PDCD5: variants seen among roughly 807,000 people sequenced by gnomAD.
PDCD5 encodes programmed cell death 5.
PDCD5 carries 23 observed loss-of-function variants against 21.9 expected under a neutral mutation model. The observed-to-expected ratio is 1.05, with a 90% CI of 0.76 to 1.49. The LOEUF (loss-of-function observed/expected upper bound fraction) is 1.49, where lower values mean the gene tolerates loss of function less well. PDCD5 is among the 40% of genes most tolerant of loss of function. PDCD5 has a pLI of 0.00. For missense variants in PDCD5, 152 were observed against 147.7 expected (o/e 1.03, Z -0.15); for synonymous variants, 45 against 49.4 (o/e 0.91, Z 0.37).
rs759995661 is a variant in PDCD5 at position 32,581,268 on chromosome 19, G to A, written c.7G>A (p.Asp3Asn). 10 of 1,521,202 alleles carry A rather than the reference G, an allele frequency of 6.6e-6. No individual in the cohort carries two copies. The highest frequency in any genetic ancestry group is 2.7e-5 in the East Asian group (1 of 37,638). The allele number at this position is 1,521,202 out of a possible 1,614,324, so 94.2% of individuals were successfully genotyped here. ...CCAGCGCTGACGCCGAGCCATGGCG[G>A]ACGAGGAGCTTGAGGCGCTGAGGAG... is the stretch of plus-strand genomic sequence containing the variant. MADEELEALRRQR... is the reference protein window; with the variant it reads MANEELEALRRQR... The change falls in exon 1 of 6, where the codon GAC becomes AAC. Residue 3 changes from aspartate (D) to asparagine (N), a missense_variant. Coordinates refer to ENST00000590247, the MANE Select transcript of PDCD5 (RefSeq NM_004708.4).
At chr19:32,583,605 T>TA (rs1310914312) in intron 2 of PDCD5, among the ~76,000 whole-genome samples, 1 of 152,024 alleles carries the variant, frequency 6.6e-6, no homozygotes, top group Non-Finnish European at 1.5e-5. Context: ...TTTTCATTTT[T>TA]AGAGATACGT....
chr19:32,586,342 G>A (rs1010419818), intron 4 of PDCD5: 16 of 1,275,618 alleles, frequency 1.3e-5, no homozygotes, highest in East Asian at 7.4e-5. Flanking sequence ...AGATCAAGAC[G>A]AACCCCACCT....
intron 4 of PDCD5, 191 bp from the exon 5 acceptor site, chr19:32,586,667 T>C (rs768473078): frequency 1.0e-4 from 134 of 1,312,672 alleles, no homozygotes; most frequent in Non-Finnish European, 1.2e-4. Context: ...AAGTGAGGAA[T>C]AGCAGAGCAA....
chr19:32,586,222 T>C, intron 4 of PDCD5: 1 of 1,440,882 alleles, frequency 6.9e-7, no homozygotes, highest in Non-Finnish European at 9.0e-7. Flanking sequence ...ATACTACCAG[T>C]GTAAGTAGAA....
Position 32,586,300 on chromosome 19 carries a change from T to C in PDCD5, c.258+393T>C, listed in dbSNP as rs547655967. On this transcript the variant is annotated intron_variant, in intron 4 of 5. Coordinates refer to ENST00000590247, the MANE Select transcript of PDCD5 (RefSeq NM_004708.4). ...TGTTCTCTGTGTTGCTGTAATACCA[T>C]GAGGGGTATGTTGTGGCAAACCTGG... The C allele has an allele frequency of 4.4e-6, 6 of 1,368,084 alleles. No individual in the cohort carries two copies. In the African/African-American group the frequency reaches 5.8e-5, roughly 13 times the overall value. The allele number at this position is 1,368,084 out of a possible 1,614,324, so 84.7% of individuals were successfully genotyped here.
At chr19:32,583,894 C>T (rs1166572623) in intron 2 of PDCD5, among the ~76,000 whole-genome samples, 1 of 152,158 alleles carries the variant, frequency 6.6e-6, no homozygotes, top group Admixed American at 6.5e-5. Flanking sequence ...TGCAGTGGCA[C>T]AATCTTGGCT....
chr19:32,584,815 A>G, intron 2 of PDCD5, 135 bp from the exon 3 acceptor site: 1 of 724,586 alleles, frequency 1.4e-6, no homozygotes, highest in South Asian at 1.6e-5. Context: ...CCTTATGTAC[A>G]GCAACTACCA....
chr19:32,586,270 G>A (rs1971475504), intron 4 of PDCD5: 1 of 1,417,036 alleles, frequency 7.1e-7, no homozygotes, highest in Non-Finnish European at 9.2e-7. Context: ...AAGATGCCTT[G>A]CTTATGTTCT....
intron 4 of PDCD5, 157 bp from the exon 5 acceptor site, chr19:32,586,701 T>A: frequency 7.5e-7 from 1 of 1,332,704 alleles, no homozygotes; most frequent in Non-Finnish European, 9.6e-7. Context: ...CTTAAACCAA[T>A]AGTTATAACC....
chr19:32,586,819 A>G, intron 4 of PDCD5, 39 bp from the exon 5 acceptor site: 1 of 1,588,522 alleles, frequency 6.3e-7, no homozygotes. Flanking sequence ...TCTTTGTTTA[A>G]AAAAGTACTG....
At chr19:32,587,052 A>C in intron 5 of PDCD5, 123 bp downstream of exon 5, 2 of 956,836 alleles carry the variant, frequency 2.1e-6, no homozygotes, top group Non-Finnish European at 1.6e-6. Flanking sequence ...AAACACGTGA[A>C]AGTTTGGGGA....
intron 4 of PDCD5, 56 bp downstream of exon 4, chr19:32,585,963 C>T: frequency 1.2e-6 from 2 of 1,614,034 alleles, no homozygotes; most frequent in African/African-American, 1.3e-5. Context: ...CAAAACATGG[C>T]TTCAAAAGGT....
In PDCD5 at chr19:32,581,223, C is replaced by T. The variant is rs777053814; in HGVS notation, c.-39C>T. On this transcript the variant is annotated 5_prime_UTR_variant, in exon 1 of 6. Transcript: ENST00000590247. ...AGGCCGCGCTCGCGCCGAGGGGCTGCGAGAGTGACCGCGGCTGCTCCAGCG... is the reference window on the plus strand; with the variant it reads ...AGGCCGCGCTCGCGCCGAGGGGCTGTGAGAGTGACCGCGGCTGCTCCAGCG... 9 of 1,441,710 alleles carry T rather than the reference C, an allele frequency of 6.2e-6. No homozygotes were observed. Among genetic ancestry groups the T allele is most frequent in the East Asian group, 2.9e-5 (1 of 34,114 alleles). The allele number at this position is 1,441,710 out of a possible 1,614,324, so 89.3% of individuals were successfully genotyped here.
chr19:32,582,838 C>T (rs1971441972), intron 2 of PDCD5, among the ~76,000 whole-genome samples: 2 of 152,210 alleles, frequency 1.3e-5, no homozygotes, highest in Admixed American at 1.3e-4. Flanking sequence ...TCCTCACCTT[C>T]TTACTCCTCC....
In PDCD5 at chr19:32,587,370, CTTTG is replaced by C. The variant is rs958631706; in HGVS notation, c.*74_*77del. ...ACAGAAGTTAAGATCTGATTATTTA[CTTTG>C]TTTATTGTCTATATGCCTTTTAAAA... is the stretch of plus-strand genomic sequence containing the variant. On this transcript the variant is annotated 3_prime_UTR_variant, in exon 6 of 6. Coordinates refer to ENST00000590247, the MANE Select transcript of PDCD5 (RefSeq NM_004708.4). 1.8e-5 allele frequency: 19 copies of C among 1,074,902 alleles called. 1 individual carries two copies. The highest frequency in any genetic ancestry group is 6.0e-4 in the Middle Eastern group (2 of 3,320). 66.6% of individuals were successfully genotyped at this position (1,074,902 alleles called of 1,614,324 possible).
Position 32,581,259 on chromosome 19 carries a change from G to T in PDCD5, c.-3G>T. 1 of 1,511,778 alleles carries T rather than the reference G, an allele frequency of 6.6e-7. No individual in the cohort carries two copies. Among genetic ancestry groups the T allele is most frequent in the Non-Finnish European group, 8.8e-7 (1 of 1,132,150 alleles). The allele number at this position is 1,511,778 out of a possible 1,614,324, so 93.6% of individuals were successfully genotyped here. A position where few individuals can be genotyped will look rare whatever the true frequency, so the allele number is the denominator to read the frequency against. Reference sequence around the variant, plus strand: ...GCGGCTGCTCCAGCGCTGACGCCGAGCCATGGCGGACGAGGAGCTTGAGGC... The same window carrying T: ...GCGGCTGCTCCAGCGCTGACGCCGATCCATGGCGGACGAGGAGCTTGAGGC... On this transcript the variant is annotated 5_prime_UTR_variant, in exon 1 of 6. Coordinates refer to ENST00000590247, the MANE Select transcript of PDCD5 (RefSeq NM_004708.4).
At chr19:32,581,451 C>A in intron 1 of PDCD5, 124 bp downstream of exon 1, 1 of 512,932 alleles carries the variant, frequency 1.9e-6, no homozygotes, top group South Asian at 5.4e-5. Context: ...CCTGCGCTGC[C>A]CTGGCGGCCT....
intron 2 of PDCD5, among the ~76,000 whole-genome samples, chr19:32,583,710 C>T (rs1971451188): frequency 6.6e-6 from 1 of 151,906 alleles, no homozygotes; most frequent in South Asian, 2.1e-4. Flanking sequence ...GCCTGTAGAC[C>T]CAGCTACTCA....
chr19:32,583,681 GC>G (rs1167532693), intron 2 of PDCD5, among the ~76,000 whole-genome samples: 1 of 152,058 alleles, frequency 6.6e-6, no homozygotes, highest in Non-Finnish European at 1.5e-5. Context: ...TTTGTGGCAG[GC>G]CAGGTGTGGT....
Sources: gnomAD v4.1 joint callset for allele counts (sites outside exome capture counted in the v4.1 genomes callset) on GRCh38, gnomAD v4.1.1 for gene constraint, MANE v1.5 for transcripts, NCBI Gene and HGNC (gene_info 2026-07-23, HGNC 2026-07-21) for gene names.